DLGAP2: variants seen among roughly 807,000 people sequenced by gnomAD.
DLGAP2 encodes DLG associated protein 2.
In DLGAP2, 26 loss-of-function variants were observed where a neutral mutation model predicts 100.3. The observed-to-expected ratio is 0.26, with a 90% CI of 0.19 to 0.36. The LOEUF is 0.36. DLGAP2 is among the 10% of genes least tolerant of loss of function. The pLI is 1.00. For synonymous variants in DLGAP2, 886 were observed against 630.1 expected (o/e 1.41, Z -6.08); for missense variants, 1,858 against 1,453.2 (o/e 1.28, Z -4.53).
intron 13 of DLGAP2, among the ~76,000 whole-genome samples, chr8:1,693,482 C>T (rs771507774): frequency 2.2e-4 from 33 of 152,170 alleles, no homozygotes; most frequent in Non-Finnish European, 7.4e-5. Context: ...ATAATACATA[C>T]ATCGATTTCT....
At chr8:1,302,169 G>T (rs1268768484) in intron 3 of DLGAP2, 1 of 152,050 alleles carries the variant, frequency 6.6e-6, no homozygotes, top group Admixed American at 6.6e-5. Context: ...GTGAGTTCCC[G>T]AGCTCTGCTC....
At chr8:1,555,111 T>A (rs1336064874) in intron 5 of DLGAP2, among the ~76,000 whole-genome samples, 1 of 151,920 alleles carries the variant, frequency 6.6e-6, no homozygotes, top group African/African-American at 2.4e-5. Flanking sequence ...AGAGTTGGGG[T>A]GTGGCCACAC....
chr8:1,254,909 C>G (rs552560128), intron 2 of DLGAP2, among the ~76,000 whole-genome samples: 11 of 150,762 alleles, frequency 7.3e-5, no homozygotes, highest in African/African-American at 2.7e-4. Flanking sequence ...TGTGCTCTCT[C>G]CTGCCCAGGT....
chr8:930,599 CAG>C (rs1563100506), intron 2 of DLGAP2, among the ~76,000 whole-genome samples: 1 of 152,196 alleles, frequency 6.6e-6, no homozygotes, highest in Admixed American at 6.5e-5. Flanking sequence ...CCTGGAGATG[CAG>C]AGAGGGCAGG....
intron 6 of DLGAP2, among the ~76,000 whole-genome samples, chr8:1,602,582 A>G (rs1307183143): frequency 6.6e-6 from 1 of 152,222 alleles, no homozygotes; most frequent in African/African-American, 2.4e-5. Flanking sequence ...GGCTTCATTC[A>G]GACCGTCCCA....
At chr8:1,522,723 G>A (rs540638299) in intron 4 of DLGAP2, among the ~76,000 whole-genome samples, 16 of 152,166 alleles carry the variant, frequency 1.1e-4, no homozygotes, top group South Asian at 2.1e-4. Flanking sequence ...ATCAGGAGAC[G>A]GCAGTGACCT....
chr8:1,386,734 G>A (rs1796228362), intron 3 of DLGAP2, among the ~76,000 whole-genome samples: 3 of 152,122 alleles, frequency 2.0e-5, no homozygotes, highest in Admixed American at 2.0e-4. Context: ...GCTCAGGATG[G>A]GGAGGAAAGC....
At chr8:1,197,366 C>G (rs1271061003) in intron 2 of DLGAP2, among the ~76,000 whole-genome samples, 4 of 152,258 alleles carry the variant, frequency 2.6e-5, no homozygotes, top group African/African-American at 9.6e-5. Context: ...GAGCCCTTGT[C>G]TCAATACCTG....
intron 3 of DLGAP2, among the ~76,000 whole-genome samples, chr8:1,271,162 GA>G (rs1030185708): frequency 6.6e-6 from 1 of 152,026 alleles, no homozygotes; most frequent in Admixed American, 6.6e-5. Context: ...CCACAAAAAA[GA>G]AAACATGTGA....
intron 2 of DLGAP2, among the ~76,000 whole-genome samples, chr8:1,038,303 C>G (rs943827725): frequency 6.6e-6 from 1 of 152,134 alleles, no homozygotes; most frequent in African/African-American, 2.4e-5. Flanking sequence ...TCCAAGTGTC[C>G]TTGGGCTCAA....
chr8:1,049,974 C>T (rs1348845435), intron 2 of DLGAP2, among the ~76,000 whole-genome samples: 1 of 151,990 alleles, frequency 6.6e-6, no homozygotes, highest in African/African-American at 2.4e-5. Context: ...ACACATGTGC[C>T]TACGTGTATG....
intron 1 of DLGAP2, among the ~76,000 whole-genome samples, chr8:853,771 A>G (rs1452162050): frequency 1.3e-5 from 2 of 152,180 alleles, no homozygotes; most frequent in African/African-American, 4.8e-5. Flanking sequence ...CCTGATTGCT[A>G]GGGACTGAAC....
chr8:1,095,984 A>G (rs1054204288), intron 2 of DLGAP2, among the ~76,000 whole-genome samples: 2 of 152,158 alleles, frequency 1.3e-5, no homozygotes, highest in African/African-American at 4.8e-5. Context: ...TAAAAACAAA[A>G]TTAATGATTT....
chr8:1,492,621 T>TC (rs1348802661), intron 3 of DLGAP2, among the ~76,000 whole-genome samples: 2 of 151,860 alleles, frequency 1.3e-5, no homozygotes, highest in Non-Finnish European at 2.9e-5. Context: ...GCCTGTCCCC[T>TC]CCCCCCACGA....
intron 3 of DLGAP2, among the ~76,000 whole-genome samples, chr8:1,273,299 G>T (rs554456634): frequency 1.3e-5 from 2 of 152,172 alleles, no homozygotes; most frequent in Non-Finnish European, 2.9e-5. Context: ...CACGTGGGCT[G>T]CTCTGAGAGA....
chr8:903,012 C>T (rs1246269413), intron 1 of DLGAP2, among the ~76,000 whole-genome samples: 2 of 5,410 alleles, frequency 3.7e-4, no homozygotes, highest in Non-Finnish European at 7.4e-4. Context: ...TGTGGGTGGG[C>T]AGGGGTGGGG....
At chr8:1,660,478 C>T (rs1798384154) in intron 8 of DLGAP2, among the ~76,000 whole-genome samples, 1 of 152,146 alleles carries the variant, frequency 6.6e-6, no homozygotes, top group Non-Finnish European at 1.5e-5. Flanking sequence ...ATTTTAAGTG[C>T]CTGTCCCTGG....
At chr8:1,254,283 T>A (rs974946854) in intron 2 of DLGAP2, among the ~76,000 whole-genome samples, 2 of 152,202 alleles carry the variant, frequency 1.3e-5, no homozygotes, top group Non-Finnish European at 2.9e-5. Context: ...AGGACTCCGC[T>A]CTGTCCCCAT....
At chr8:1,221,002 G>C (rs1433121933) in intron 2 of DLGAP2, among the ~76,000 whole-genome samples, 1 of 152,176 alleles carries the variant, frequency 6.6e-6, no homozygotes, top group Non-Finnish European at 1.5e-5. Flanking sequence ...CTTCACATGT[G>C]AGATGAGTCT....
Sources: allele counts gnomAD v4.1 joint callset (sites outside exome capture counted in the v4.1 genomes callset), GRCh38; gene constraint gnomAD v4.1.1; transcripts MANE v1.5; gene names NCBI Gene and HGNC (gene_info 2026-07-23, HGNC 2026-07-21).